CA8: variants seen among roughly 807,000 people sequenced by gnomAD.
CA8 encodes carbonic anhydrase-related protein.
A neutral mutation model predicts 41.4 loss-of-function variants in CA8; 22 were observed. The ratio of observed to expected loss-of-function variants is 0.53; its 90% CI spans 0.38 to 0.76. The LOEUF (loss-of-function observed/expected upper bound fraction) is 0.76. Ranked by LOEUF, CA8 falls within the 30% of genes least tolerant of loss-of-function variation. CA8 has a pLI of 0.00. For synonymous variants in CA8, 121 were observed against 130.6 expected, an observed-to-expected ratio of 0.93 and a Z score of 0.50; for missense variants, 270 against 352.8, an observed-to-expected ratio of 0.77 and a Z score of 1.88.
At chr8:60,218,855 C>T (rs898171089) in intron 7 of CA8, among the ~76,000 whole-genome samples, 2 of 152,048 alleles carry the variant, frequency 1.3e-5, no homozygotes, top group Non-Finnish European at 2.9e-5. Flanking sequence ...TGTTGCAGTC[C>T]CTGAGTCTGA....
In CA8 at chr8:60,186,810, T is replaced by G. The variant is rs1175363492; in HGVS notation, c.*3211A>C. Among the ~76,000 whole-genome samples the G allele has an allele frequency of 6.6e-6, 1 of 151,514 alleles. No homozygotes were observed. The highest frequency in any genetic ancestry group is 1.5e-5 in the Non-Finnish European group (1 of 67,770). On this transcript the variant is annotated 3_prime_UTR_variant, in exon 9 of 9. Transcript: ENST00000317995. ...TAAAATAAAAAAATGTTACTAGAGA[T>G]AAAGAAGGACAAAAGTCCCAAAATG... is the stretch of plus-strand genomic sequence containing the variant.
rs1806739617 is a variant in CA8 at position 60,209,016 on chromosome 8, CA to C, written c.739-98del. On this transcript the variant is annotated intron_variant, in intron 7 of 8. Transcript: ENST00000317995. The stretch of plus-strand genomic sequence containing the variant: ...ACATGCATAAAATATGTATAAATTA[CA>C]AGAATTATTGAAGAGAAAATTAAAA... 3.9e-6 allele frequency: 5 copies of C among 1,275,978 alleles called. No homozygotes were observed. The South Asian group carries it at 5.2e-5, about 13-fold the overall frequency. 79.0% of individuals were successfully genotyped at this position (1,275,978 alleles called of 1,614,324 possible).
intron 3 of CA8, among the ~76,000 whole-genome samples, chr8:60,261,161 G>A (rs753058571): frequency 2.0e-5 from 3 of 152,132 alleles, no homozygotes; most frequent in South Asian, 2.1e-4. Flanking sequence ...AATATATTAC[G>A]AGATAAAGTC....
Position 60,279,843 on chromosome 8 carries a change from C to T in CA8, c.138G>A (p.Gly46=), listed in dbSNP as rs889976787. The change falls in exon 2 of 9, where the codon GGG becomes GGA. Residue 46 remains glycine (G), a synonymous_variant. Transcript: ENST00000317995. The part of the protein sequence containing the change: ...EWGLVFPDAN[G]EYQSPINLNS... ...TTAGGTTAATAGGAGACTGGTATTC[C>T]CCATTAGCATCAGGAAACACCAGAC... The T allele has an allele frequency of 6.2e-6, 10 of 1,613,340 alleles. No individual in the cohort carries two copies. The highest frequency in any genetic ancestry group is 5.0e-5 in the Admixed American group (3 of 59,926).
intron 3 of CA8, among the ~76,000 whole-genome samples, chr8:60,239,519 A>G (rs565889795): frequency 6.6e-6 from 1 of 152,348 alleles, no homozygotes; most frequent in East Asian, 1.9e-4. Flanking sequence ...AAAATCTCAT[A>G]ATGTTTTAAG....
At chr8:60,209,589 C>T (rs1806762904) in intron 7 of CA8, among the ~76,000 whole-genome samples, 1 of 152,138 alleles carries the variant, frequency 6.6e-6, no homozygotes, top group Non-Finnish European at 1.5e-5. Context: ...TTTCCAAGTA[C>T]ATTTTAATTA....
At position 60,189,264 on chromosome 8, in the gene CA8, T is replaced by C. The variant is rs561306398; in HGVS notation, c.*757A>G. ...GTATGGAAAGTAAAGCTATTCCTGG[T>C]ACATGGTGCTGACCTTCTTTTTATC... On this transcript the variant is annotated 3_prime_UTR_variant, in exon 9 of 9. Coordinates refer to ENST00000317995, the MANE Select transcript of CA8 (RefSeq NM_004056.6). 1 of 152,300 alleles carries C rather than the reference T, an allele frequency of 6.6e-6. No individual in the cohort carries two copies. Among genetic ancestry groups the C allele is most frequent in the East Asian group, 1.9e-4 (1 of 5,188 alleles). The allele number at this position is 152,300 out of a possible 1,614,324, so 9.4% of individuals were successfully genotyped here.
chr8:60,274,969 T>C (rs552481393), intron 2 of CA8, among the ~76,000 whole-genome samples: 1 of 152,290 alleles, frequency 6.6e-6, no homozygotes, highest in South Asian at 2.1e-4. Flanking sequence ...AACCTCATCA[T>C]GCATGGTCAG....
intron 2 of CA8, among the ~76,000 whole-genome samples, chr8:60,267,314 T>G (rs1463703366): frequency 6.6e-6 from 1 of 152,170 alleles, no homozygotes; most frequent in Non-Finnish European, 1.5e-5. Context: ...ATGGAGTCCT[T>G]GATAAAGGTG....
chr8:60,253,637 G>A (rs978339459), intron 3 of CA8, among the ~76,000 whole-genome samples: 1 of 152,078 alleles, frequency 6.6e-6, no homozygotes, highest in African/African-American at 2.4e-5. Context: ...TCTCAGGAAG[G>A]AGTTAGGCCC....
chr8:60,277,747 C>A (rs1159411626), intron 2 of CA8, among the ~76,000 whole-genome samples: 1 of 152,114 alleles, frequency 6.6e-6, no homozygotes, highest in Non-Finnish European at 1.5e-5. Context: ...ACAAATGGTT[C>A]CTCTGAGGAG....
At position 60,187,870 on chromosome 8, in the gene CA8, A is replaced by T. The variant is rs1407839153; in HGVS notation, c.*2151T>A. ...TCCTGCCCCAATTACAGGGTCCATC[A>T]CATAGGTTTTACTTTCTTTCCTATC... On this transcript the variant is annotated 3_prime_UTR_variant, in exon 9 of 9. Coordinates refer to ENST00000317995, the MANE Select transcript of CA8 (RefSeq NM_004056.6). 1 of 152,172 alleles carries T rather than the reference A, an allele frequency of 6.6e-6. No homozygotes were observed. Among genetic ancestry groups the T allele is most frequent in the Non-Finnish European group, 1.5e-5 (1 of 68,018 alleles). 9.4% of individuals were successfully genotyped at this position (152,172 alleles called of 1,614,324 possible). A position where few individuals can be genotyped will look rare whatever the true frequency, so the allele number is the denominator to read the frequency against.
intron 3 of CA8, among the ~76,000 whole-genome samples, chr8:60,242,721 C>T (rs888058839): frequency 1.3e-5 from 2 of 152,130 alleles, no homozygotes; most frequent in African/African-American, 4.8e-5. Context: ...TCGTGTGATG[C>T]CCTTACAAGG....
intron 8 of CA8, among the ~76,000 whole-genome samples, chr8:60,206,974 C>A (rs1298065594): frequency 6.6e-6 from 1 of 152,194 alleles, no homozygotes. Context: ...AATCCCACCC[C>A]GTCTCTGTTG....
At chr8:60,261,817 T>C (rs1803742885) in intron 3 of CA8, among the ~76,000 whole-genome samples, 1 of 152,188 alleles carries the variant, frequency 6.6e-6, no homozygotes, top group South Asian at 2.1e-4. Flanking sequence ...GTTCACGCCA[T>C]TCTCCTGCCT....
At position 60,250,970 on chromosome 8, in the gene CA8, A is replaced by G. The variant is rs1158684071; in HGVS notation, c.417+14955T>C. ...AAATAGACTATTATAAAACAGTTAT[A>G]TTTAATTTTATACATATATGGTATA... On this transcript the variant is annotated intron_variant, in intron 3 of 8. Transcript: ENST00000317995. Among the ~76,000 whole-genome samples the G allele has an allele frequency of 2.0e-5, 3 of 152,222 alleles. 1 individual carries two copies. Among genetic ancestry groups the G allele is most frequent in the Non-Finnish European group, 4.4e-5 (3 of 68,038 alleles).
At chr8:60,238,645 C>A (rs111967392) in intron 3 of CA8, among the ~76,000 whole-genome samples, 5 of 152,228 alleles carry the variant, frequency 3.3e-5, no homozygotes, top group African/African-American at 1.2e-4. Context: ...TTATGAAGCC[C>A]GACTAATCTC....
intron 3 of CA8, among the ~76,000 whole-genome samples, chr8:60,242,357 G>A (rs1460171397): frequency 6.6e-6 from 1 of 152,124 alleles, no homozygotes; most frequent in Non-Finnish European, 1.5e-5. Flanking sequence ...GGAAATGGAG[G>A]TACAGAAAGT....
intron 2 of CA8, among the ~76,000 whole-genome samples, chr8:60,269,377 A>G (rs773816530): frequency 2.0e-5 from 3 of 152,228 alleles, no homozygotes; most frequent in African/African-American, 7.2e-5. Context: ...TAAAGTTACA[A>G]TGAAAGAACA....
Sources: allele counts gnomAD v4.1 joint callset (sites outside exome capture counted in the v4.1 genomes callset), GRCh38; gene constraint gnomAD v4.1.1; transcripts MANE v1.5; gene names NCBI Gene and HGNC (gene_info 2026-07-23, HGNC 2026-07-21).